The following BBC3 variants were observed in gnomAD, a reference collection of about 807,000 sequenced individuals.
The protein encoded by BBC3 is bcl-2-binding component 3.
A neutral mutation model predicts 18.2 loss-of-function variants in BBC3; 5 were observed. The observed-to-expected ratio is 0.27, with a 90% CI of 0.14 to 0.58. The LOEUF is 0.58. Ranked by LOEUF, BBC3 falls within the 20% of genes least tolerant of loss-of-function variation. The pLI is 0.91. For missense variants in BBC3, 224 were observed against 268.9 expected, an observed-to-expected ratio of 0.83 and a Z score of 1.17; for synonymous variants, 119 against 128.0, an observed-to-expected ratio of 0.93 and a Z score of 0.47.
chr19:47,228,043 G>A lies in BBC3; in HGVS notation c.274+115C>T. 1.2e-6 allele frequency: 1 copy of A among 842,822 alleles called. No homozygotes were observed. The highest frequency in any genetic ancestry group is 1.8e-5 in the African/African-American group (1 of 56,216). 52.2% of individuals were successfully genotyped at this position (842,822 alleles called of 1,614,324 possible). ...ACCACATTGGCCACACCCTCCCAGTGGCCCGGCTGGGCCCGCCACCTCCCC... is the reference window on the plus strand; with the variant it reads ...ACCACATTGGCCACACCCTCCCAGTAGCCCGGCTGGGCCCGCCACCTCCCC... On this transcript the variant is annotated intron_variant, in intron 2 of 3. Coordinates refer to ENST00000439096, the MANE Select transcript of BBC3 (RefSeq NM_014417.5). This position sits in a 1 kb window ranked among gnomAD's most constrained non-coding sequence, Gnocchi z 5.5.
chr19:47,226,966 A>C, intron 2 of BBC3: 3 of 419,548 alleles, frequency 7.2e-6, no homozygotes, highest in Non-Finnish European at 8.4e-6. Context: ...CTGGCCAGCT[A>C]CGTCCCCACG....
chr19:47,232,178 C>G (rs540046448), upstream of BBC3, among the ~76,000 whole-genome samples: 3 of 152,262 alleles, frequency 2.0e-5, no homozygotes, highest in African/African-American at 7.2e-5. Flanking sequence ...ATGATGAAAC[C>G]CCATCTCTAC....
Position 47,230,420 on chromosome 19 carries a change from G to A in BBC3, c.-16+509C>T, listed in dbSNP as rs1407852187. 6.8e-6 allele frequency among the ~76,000 whole-genome samples: 1 copy of A among 146,600 alleles called. No homozygotes were observed. Among genetic ancestry groups the A allele is most frequent in the Non-Finnish European group, 1.5e-5 (1 of 65,752 alleles). On this transcript the variant is annotated intron_variant, in intron 1 of 3. Transcript: ENST00000439096. The surrounding 1 kb of genome is among the most constrained non-coding windows in gnomAD (Gnocchi z 6.7). ...TCACAGCCCCCCCCACCGCCGCCAC[G>A]TGCGCCCGCCCCGCCCGCCAGGCGA...
At position 47,221,743 on chromosome 19, in the gene BBC3, A is replaced by C. The variant is rs888334888; in HGVS notation, c.*59T>G. The C allele has an allele frequency of 2.5e-6, 4 of 1,603,902 alleles. No individual in the cohort carries two copies. The African/African-American group carries it at 5.4e-5, about 22-fold the overall frequency. ...AGTCCCCCGCGCTGGCCAGGGTGTC[A>C]GGAGGTGGGAGGGGCCTGCCCCCCG... On this transcript the variant is annotated 3_prime_UTR_variant, in exon 4 of 4. Coordinates refer to ENST00000439096, the MANE Select transcript of BBC3 (RefSeq NM_014417.5).
chr19:47,223,734 C>T (rs201960825), intron 3 of BBC3, among the ~76,000 whole-genome samples: 10 of 152,272 alleles, frequency 6.6e-5, no homozygotes, highest in African/African-American at 2.4e-4. Context: ...TCATCGTCCT[C>T]ATGCTACCTG....
chr19:47,232,297 G>A (rs1433258157), upstream of BBC3, among the ~76,000 whole-genome samples: 1 of 152,254 alleles, frequency 6.6e-6, no homozygotes, highest in Non-Finnish European at 1.5e-5. Flanking sequence ...GTTGCAGTGA[G>A]CCGAGATAGT....
intron 3 of BBC3, chr19:47,222,561 G>A (rs962589402): frequency 1.4e-4 from 22 of 152,236 alleles, no homozygotes; most frequent in African/African-American, 5.1e-4. Flanking sequence ...CAGAGGCCCG[G>A]CGCAGTGACT....
chr19:47,225,093 T>G (rs1172488441), intron 3 of BBC3, among the ~76,000 whole-genome samples: 4 of 152,086 alleles, frequency 2.6e-5, no homozygotes, highest in Admixed American at 2.6e-4. Flanking sequence ...GTATTTTTAG[T>G]AGAGACGGGG....
chr19:47,227,213 C>T (rs2058839496), intron 2 of BBC3: 1 of 153,526 alleles, frequency 6.5e-6, no homozygotes, highest in Non-Finnish European at 1.5e-5. Flanking sequence ...GGAAGCCACA[C>T]CTCCGGATGT....
At chr19:47,232,525 G>A (rs1252604206), upstream of BBC3, 1 of 1,548,720 alleles carries the variant, frequency 6.5e-7, no homozygotes, top group East Asian at 2.5e-5. Context: ...CACAAATCTG[G>A]CAGGGGACCC....
At chr19:47,226,438 C>G in intron 3 of BBC3, 126 bp downstream of exon 3, 2 of 890,188 alleles carry the variant, frequency 2.2e-6, no homozygotes, top group East Asian at 6.9e-5. Context: ...TTACCCCCCA[C>G]CTGCCTGTCC....
Position 47,221,679 on chromosome 19 carries a change from G to T in BBC3, c.*123C>A. 2 of 1,536,110 alleles carry T rather than the reference G, an allele frequency of 1.3e-6. No individual in the cohort carries two copies. ...CTGCCCCGGCCCGCCCCCGGGACAG[G>T]CAGGGCTGGGAGTCCAGTATGCTAC... On this transcript the variant is annotated 3_prime_UTR_variant, in exon 4 of 4. Coordinates refer to ENST00000439096, the MANE Select transcript of BBC3 (RefSeq NM_014417.5).
intron 3 of BBC3, among the ~76,000 whole-genome samples, chr19:47,222,866 T>G (rs2058767448): frequency 6.7e-6 from 1 of 148,416 alleles, no homozygotes; most frequent in South Asian, 2.1e-4. Flanking sequence ...TTGGGAAGGC[T>G]GAGGCAGGAG....
intron 3 of BBC3, chr19:47,222,167 G>C (rs2058759837): frequency 2.2e-6 from 1 of 445,044 alleles, no homozygotes; most frequent in Admixed American, 4.1e-5. Flanking sequence ...TGGCACATTA[G>C]CTGTGACTGC....
At position 47,226,620 on chromosome 19, in the gene BBC3, T is replaced by C. The variant is rs1221729292; in HGVS notation, c.409A>G (p.Ile137Val). The C allele has an allele frequency of 1.9e-6, 3 of 1,574,584 alleles. No individual in the cohort carries two copies. The highest frequency in any genetic ancestry group is 2.3e-5 in the South Asian group (2 of 86,708). The change falls in exon 3 of 4, where the codon ATC becomes GTC. Residue 137 changes from isoleucine (I) to valine (V), a missense_variant. Coordinates refer to ENST00000439096, the MANE Select transcript of BBC3 (RefSeq NM_014417.5). ...GCCATCCGCCGCAGCTGGGCCCCGATCTCCCGGGCCCACTGTTCCTCCTCC... is the reference window on the plus strand; with the variant it reads ...GCCATCCGCCGCAGCTGGGCCCCGACCTCCCGGGCCCACTGTTCCTCCTCC... ...RGEEEQWARE[I>V]GAQLRRMADD...
rs1342443339 is a variant in BBC3, at chr19:47,221,754, G to A, written c.*48C>T. 6.2e-7 allele frequency: 1 copy of A among 1,605,280 alleles called. No homozygotes were observed. Among genetic ancestry groups the A allele is most frequent in the Non-Finnish European group, 8.5e-7 (1 of 1,177,714 alleles). On this transcript the variant is annotated 3_prime_UTR_variant, in exon 4 of 4. Transcript: ENST00000439096. ...CTGGCCAGGGTGTCAGGAGGTGGGA[G>A]GGGCCTGCCCCCCGAGTCCCTGACG... is the stretch of plus-strand genomic sequence containing the variant.
intron 3 of BBC3, among the ~76,000 whole-genome samples, chr19:47,225,382 T>C (rs1056903752): frequency 6.6e-6 from 1 of 151,154 alleles, no homozygotes; most frequent in Non-Finnish European, 1.5e-5. Context: ...TTTTTTGAGA[T>C]GGTCTTGCTC....
In BBC3 at chr19:47,221,859, G is replaced by T; in HGVS notation, c.525C>A (p.Ile175=). 1 of 1,613,834 alleles carries T rather than the reference G, an allele frequency of 6.2e-7. No individual in the cohort carries two copies. The highest frequency in any genetic ancestry group is 1.1e-5 in the South Asian group (1 of 91,064). ...CCCTGGGTAAGGGCAGGAGTCCCAT[G>T]ATGAGATTGTACAGGACCCTCCAGG... The part of the protein sequence containing the change: ...PSPWRVLYNL[I]MGLLPLPRGH... Residue 175 remains isoleucine, a synonymous_variant, in exon 4 of 4, where the codon ATC becomes ATA. Coordinates refer to ENST00000439096, the MANE Select transcript of BBC3 (RefSeq NM_014417.5).
At chr19:47,226,913 G>A (rs1205204003) in intron 2 of BBC3, 159 bp from the exon 3 acceptor site, 2 of 639,890 alleles carry the variant, frequency 3.1e-6, no homozygotes, top group African/African-American at 3.9e-5. Flanking sequence ...ACAGGCACCA[G>A]AAAGCAAGAA....
Sources: gnomAD v4.1 joint callset for allele counts (sites outside exome capture counted in the v4.1 genomes callset) on GRCh38, gnomAD v4.1.1 for gene constraint, Gnocchi (gnomAD v3.1) non-coding constraint, MANE v1.5 for transcripts, NCBI Gene and HGNC (gene_info 2026-07-23, HGNC 2026-07-21) for gene names.